TAAR5: variants seen among roughly 807,000 people sequenced by gnomAD.
The protein encoded by TAAR5 is trace amine-associated receptor 5.
A neutral mutation model predicts 21.1 loss-of-function variants in TAAR5; 27 were observed. The ratio of observed to expected loss-of-function variants is 1.28; its 90% confidence interval spans 0.94 to 1.76. The LOEUF is 1.76. TAAR5 is among the 40% of genes most tolerant of loss of function. TAAR5 has a pLI of 0.00. For synonymous variants in TAAR5, 203 were observed against 167.5 expected (o/e 1.21, Z -1.64); for missense variants, 495 against 405.6 (o/e 1.22, Z -1.89).
the TAAR5 span, among the ~76,000 whole-genome samples, chr6:132,602,779 C>CAAAA: frequency 1.6e-3 from 154 of 95,936 alleles, 1 homozygote; most frequent in African/African-American, 4.7e-3. Flanking sequence ...CTTTAGAAGT[C>CAAAA]AAAAAAAAAA....
the TAAR5 span, among the ~76,000 whole-genome samples, chr6:132,605,260 C>T: frequency 1.3e-5 from 2 of 152,152 alleles, no homozygotes; most frequent in Admixed American, 6.5e-5. Context: ...ACTGCAGAAT[C>T]GATTGGAAAG....
chr6:132,591,517 C>T (rs137862758), upstream of TAAR5, among the ~76,000 whole-genome samples: 24 of 152,278 alleles, frequency 1.6e-4, no homozygotes, highest in African/African-American at 5.3e-4. Context: ...TGGAATCTTG[C>T]CTTATGCCAG....
chr6:132,615,458 C>T, the TAAR5 span, among the ~76,000 whole-genome samples: 1 of 150,874 alleles, frequency 6.6e-6, no homozygotes, highest in African/African-American at 2.4e-5. Context: ...AAAAAAAAAG[C>T]CAGTTAAAAT....
At chr6:132,602,037 G>C in the TAAR5 span, among the ~76,000 whole-genome samples, 1 of 151,918 alleles carries the variant, frequency 6.6e-6, no homozygotes, top group Non-Finnish European at 1.5e-5. Context: ...TTTAAATTAT[G>C]ATTTTTAAAA....
the TAAR5 span, among the ~76,000 whole-genome samples, chr6:132,599,712 G>C: frequency 6.6e-6 from 1 of 152,140 alleles, no homozygotes; most frequent in African/African-American, 2.4e-5. Context: ...GTCCTCTGTG[G>C]ATATTCTTCA....
upstream of TAAR5, among the ~76,000 whole-genome samples, chr6:132,593,217 A>G (rs1386381361): frequency 1.3e-5 from 2 of 151,914 alleles, no homozygotes; most frequent in Non-Finnish European, 2.9e-5. Flanking sequence ...GTCAGGCTAA[A>G]TTTTCCTCTG....
At chr6:132,607,512 A>T in the TAAR5 span, among the ~76,000 whole-genome samples, 1 of 152,152 alleles carries the variant, frequency 6.6e-6, no homozygotes, top group African/African-American at 2.4e-5. Context: ...AAAGTGGTTG[A>T]AACAAGCACA....
At chr6:132,608,385 C>T in the TAAR5 span, 1 of 455,852 alleles carries the variant, frequency 2.2e-6, no homozygotes, top group East Asian at 7.0e-5. Context: ...AGTTGAAGTA[C>T]CGGAGCCACA....
Position 132,588,692 on chromosome 6 carries a change from A to C in TAAR5, c.995T>G (p.Val332Gly). 4.3e-6 allele frequency: 7 copies of C among 1,612,818 alleles called. No individual in the cohort carries two copies. The highest frequency in any genetic ancestry group is 5.9e-6 in the Non-Finnish European group (7 of 1,179,258). ...QKVFSPQTRT[V>G]DLYQE ...AAGGAATCATTCTTGGTACAAATCA[A>C]CAGTGCGTGTCTGCGGTGAGAAGAC... The change falls in exon 1 of 1, where the codon GTT (valine) becomes GGT (glycine). Residue 332 changes from valine to glycine, a missense_variant. By Grantham distance (109) the Val-to-Gly change is moderately radical. Coordinates refer to ENST00000258034, the MANE Select transcript of TAAR5 (RefSeq NM_003967.3).
the TAAR5 span, among the ~76,000 whole-genome samples, chr6:132,600,435 C>T: frequency 6.6e-6 from 1 of 152,104 alleles, no homozygotes; most frequent in East Asian, 1.9e-4. Flanking sequence ...TCAATGCTCT[C>T]CCAACCTGAC....
the TAAR5 span, among the ~76,000 whole-genome samples, chr6:132,608,074 A>T: frequency 6.6e-6 from 1 of 152,210 alleles, no homozygotes; most frequent in Non-Finnish European, 1.5e-5. Flanking sequence ...TTGATTTACT[A>T]GTCAAAGATA....
the TAAR5 span, among the ~76,000 whole-genome samples, chr6:132,610,460 A>C: frequency 1.3e-4 from 20 of 152,166 alleles, no homozygotes; most frequent in South Asian, 6.2e-4. Flanking sequence ...GTGCTTTAGA[A>C]TCCTAAGAAA....
the TAAR5 span, chr6:132,609,051 C>T: frequency 2.2e-6 from 1 of 455,238 alleles, no homozygotes; most frequent in Middle Eastern, 3.3e-4. Context: ...GCAGAAAGTC[C>T]GTGGTTGCCA....
At chr6:132,614,467 T>C in the TAAR5 span, among the ~76,000 whole-genome samples, 1 of 152,088 alleles carries the variant, frequency 6.6e-6, no homozygotes, top group African/African-American at 2.4e-5. Context: ...CAATTTCTGA[T>C]TCTTTATAAA....
upstream of TAAR5, chr6:132,594,468 C>A (rs975619489): frequency 6.6e-6 from 1 of 152,166 alleles, no homozygotes; most frequent in Non-Finnish European, 1.5e-5. Context: ...ATCCTCAATG[C>A]CTTGCGAAAC....
chr6:132,602,450 A>G, the TAAR5 span, among the ~76,000 whole-genome samples: 2 of 152,202 alleles, frequency 1.3e-5, no homozygotes, highest in Admixed American at 6.5e-5. Context: ...TGCGCAGCTC[A>G]CAATAGGGTT....
In TAAR5 at chr6:132,588,616, A is replaced by G. The variant is rs572944670; in HGVS notation, c.*57T>C. ...TCAACACCACACAGCCCACGGTCAC[A>G]GTGCCACTTATCTTTCCTGTGAGGT... is the stretch of plus-strand genomic sequence containing the variant. On this transcript the variant is annotated 3_prime_UTR_variant, in exon 1 of 1. Transcript: ENST00000258034. 1.2e-5 allele frequency: 19 copies of G among 1,552,940 alleles called. No homozygotes were observed. In the East Asian group the frequency reaches 4.3e-4, roughly 35 times the overall value.
the TAAR5 span, among the ~76,000 whole-genome samples, chr6:132,598,139 C>A: frequency 6.6e-6 from 1 of 152,180 alleles, no homozygotes; most frequent in Non-Finnish European, 1.5e-5. Context: ...CAATCTACTT[C>A]TGCCCCCATT....
rs1369942287 is a variant in TAAR5, at chr6:132,588,858, G to C, written c.829C>G (p.Leu277Val). Reference sequence around the variant, plus strand: ...AGTGGGGGTGTGATAAAGTGAAGGAGGCTGTCGACCATCGTGTCTATGGTG... The same window carrying C: ...AGTGGGGGTGTGATAAAGTGAAGGACGCTGTCGACCATCGTGTCTATGGTG... ...PFTIDTMVDS[L>V]LHFITPPLVF... The change falls in exon 1 of 1, where the codon CTC becomes GTC. Residue 277 changes from leucine to valine, a missense_variant. Leu to Val is a conservative substitution (Grantham distance 32). Transcript: ENST00000258034. 2 of 1,614,080 alleles carry C rather than the reference G, an allele frequency of 1.2e-6. No individual in the cohort carries two copies. Among genetic ancestry groups the C allele is most frequent in the South Asian group, 1.1e-5 (1 of 91,074 alleles).
Sources: gnomAD v4.1 joint callset for allele counts (sites outside exome capture counted in the v4.1 genomes callset) on GRCh38, gnomAD v4.1.1 for gene constraint, MANE v1.5 for transcripts, NCBI Gene and HGNC (gene_info 2026-07-23, HGNC 2026-07-21) for gene names.